Variants in FGF12 observed in about 807,000 individuals in gnomAD.
FGF12 encodes the protein fibroblast growth factor 12.
A neutral mutation model predicts 23.6 loss-of-function variants in FGF12; 14 were observed. The ratio of observed to expected loss-of-function variants is 0.59; its 90% CI spans 0.39 to 0.93. FGF12 has a LOEUF of 0.93. FGF12 is among the 40% of genes least tolerant of loss of function. FGF12 has a pLI of 0.00. For missense variants in FGF12, 175 were observed against 217.8 expected, an observed-to-expected ratio of 0.80 and a Z score of 1.24; for synonymous variants, 62 against 77.3, an observed-to-expected ratio of 0.80 and a Z score of 1.04.
chr3:192,461,566 A>G (rs1423576608), intron 2 of FGF12, among the ~76,000 whole-genome samples: 1 of 152,214 alleles, frequency 6.6e-6, no homozygotes, highest in East Asian at 1.9e-4. Context: ...TCTTAATTTA[A>G]AGAAATTTTA....
chr3:192,185,302 T>C (rs1716396109), intron 4 of FGF12, among the ~76,000 whole-genome samples: 1 of 152,208 alleles, frequency 6.6e-6, no homozygotes, highest in East Asian at 1.9e-4. Flanking sequence ...TGAAATAAGA[T>C]ACTTGCACAG....
intron 4 of FGF12, among the ~76,000 whole-genome samples, chr3:192,328,528 T>A (rs73887288): frequency 1.3e-5 from 2 of 152,124 alleles, no homozygotes; most frequent in East Asian, 1.9e-4. Context: ...GTACTTCTAC[T>A]GAATCCTGCT....
intron 2 of FGF12, among the ~76,000 whole-genome samples, chr3:192,512,558 G>T (rs1724512736): frequency 6.6e-6 from 1 of 151,672 alleles, no homozygotes; most frequent in Non-Finnish European, 1.5e-5. Context: ...TTACATTTAT[G>T]CACTAATTAG....
intron 2 of FGF12, among the ~76,000 whole-genome samples, chr3:192,571,943 T>G (rs63665560): frequency 5.1e-5 from 1 of 19,574 alleles, no homozygotes; most frequent in Non-Finnish European, 9.6e-5. Context: ...ACTATTGCTG[T>G]TTTTTTTTTT....
intron 2 of FGF12, among the ~76,000 whole-genome samples, chr3:192,534,667 C>T (rs1164272233): frequency 6.6e-6 from 1 of 152,198 alleles, no homozygotes; most frequent in South Asian, 2.1e-4. Context: ...GCTGGGATTA[C>T]AGGCATGAAC....
intron 2 of FGF12, among the ~76,000 whole-genome samples, chr3:192,695,475 A>G (rs1718087116): frequency 6.6e-6 from 1 of 152,194 alleles, no homozygotes; most frequent in African/African-American, 2.4e-5. Flanking sequence ...CTTAGGGAAG[A>G]TATCACTCAT....
intron 2 of FGF12, among the ~76,000 whole-genome samples, chr3:192,555,486 T>C (rs908692312): frequency 6.6e-6 from 1 of 151,708 alleles, no homozygotes; most frequent in African/African-American, 2.4e-5. Context: ...ATACACAATA[T>C]AAAAAGATGT....
chr3:192,320,619 C>T (rs965321828), intron 4 of FGF12, among the ~76,000 whole-genome samples: 2 of 152,010 alleles, frequency 1.3e-5, no homozygotes, highest in Non-Finnish European at 2.9e-5. Flanking sequence ...CTTCTCTGAC[C>T]ACAGTGGAAT....
intron 4 of FGF12, among the ~76,000 whole-genome samples, chr3:192,203,206 C>G (rs191231093): frequency 2.9e-4 from 44 of 151,522 alleles, no homozygotes; most frequent in African/African-American, 1.0e-3. Context: ...GTTTAGAGGA[C>G]TGATAGAACT....
intron 4 of FGF12, among the ~76,000 whole-genome samples, chr3:192,239,168 A>T (rs1194993237): frequency 1.3e-5 from 2 of 152,232 alleles, no homozygotes; most frequent in Non-Finnish European, 2.9e-5. Flanking sequence ...TCTGCAGGAT[A>T]CATAAAAAGC....
chr3:192,354,073 T>C (rs147182608), intron 3 of FGF12, among the ~76,000 whole-genome samples: 3 of 152,340 alleles, frequency 2.0e-5, no homozygotes, highest in African/African-American at 7.2e-5. Flanking sequence ...ACATCATATG[T>C]TTGGTATTGT....
chr3:192,451,638 A>T (rs1310557839), intron 2 of FGF12, among the ~76,000 whole-genome samples: 1 of 152,250 alleles, frequency 6.6e-6, no homozygotes, highest in Non-Finnish European at 1.5e-5. Context: ...AGTCCCAGAC[A>T]CAATGAATAT....
intron 2 of FGF12, among the ~76,000 whole-genome samples, chr3:192,468,005 C>T (rs1213397582): frequency 6.6e-6 from 1 of 152,142 alleles, no homozygotes; most frequent in Non-Finnish European, 1.5e-5. Context: ...GGACCTTGGA[C>T]CAGGGTTCAC....
chr3:192,447,309 T>C (rs1176547856), intron 2 of FGF12, among the ~76,000 whole-genome samples: 1 of 152,190 alleles, frequency 6.6e-6, no homozygotes, highest in Non-Finnish European at 1.5e-5. Flanking sequence ...AGACTCAGAT[T>C]GGTGCCATTT....
At chr3:192,405,200 G>A (rs1219972118) in intron 2 of FGF12, among the ~76,000 whole-genome samples, 1 of 151,022 alleles carries the variant, frequency 6.6e-6, no homozygotes, top group Admixed American at 6.6e-5. Flanking sequence ...TGTGATGTGA[G>A]GCCATACCTA....
intron 2 of FGF12, among the ~76,000 whole-genome samples, chr3:192,561,627 G>T (rs1030332837): frequency 6.6e-6 from 1 of 152,180 alleles, no homozygotes; most frequent in African/African-American, 2.4e-5. Flanking sequence ...CTCCCAAAGT[G>T]CTGGGATTAC....
At chr3:192,183,474 T>C (rs1257750748) in intron 4 of FGF12, among the ~76,000 whole-genome samples, 1 of 152,144 alleles carries the variant, frequency 6.6e-6, no homozygotes, top group Non-Finnish European at 1.5e-5. Context: ...TGATGGTGTG[T>C]CCTCAGAATG....
chr3:192,285,476 A>C (rs1210808383), intron 4 of FGF12, among the ~76,000 whole-genome samples: 3 of 152,082 alleles, frequency 2.0e-5, no homozygotes, highest in Non-Finnish European at 2.9e-5. Flanking sequence ...AATATCATTC[A>C]TATAGTTTGC....
chr3:192,527,652 T>A (rs1047391076), intron 2 of FGF12, among the ~76,000 whole-genome samples: 13 of 152,236 alleles, frequency 8.5e-5, no homozygotes, highest in African/African-American at 2.9e-4. Flanking sequence ...TAGACTGAAC[T>A]GTTATTTTCA....
Sources: gnomAD v4.1 joint callset for allele counts (sites outside exome capture counted in the v4.1 genomes callset) on GRCh38, gnomAD v4.1.1 for gene constraint, MANE v1.5 for transcripts, NCBI Gene and HGNC (gene_info 2026-07-23, HGNC 2026-07-21) for gene names.